The following SEZ6L variants were observed in gnomAD, a reference collection of about 807,000 sequenced individuals.
SEZ6L encodes seizure related 6 homolog like, also known as seizure 6-like protein.
Under a neutral mutation model 106.2 loss-of-function variants are expected in SEZ6L, and 37 were observed. The ratio of observed to expected loss-of-function variants is 0.35; its 90% CI spans 0.27 to 0.46. The LOEUF (loss-of-function observed/expected upper bound fraction) is 0.46, where lower values mean the gene tolerates loss of function less well. Among genes scored for constraint, SEZ6L ranks in the 20% least tolerant of loss-of-function variants. The probability of loss-of-function intolerance (pLI) is 1.00; values close to 1 mark genes in which losing one functional copy is unlikely to be tolerated. For missense variants in SEZ6L, 1,172 were observed against 1,332.8 expected (o/e 0.88, Z 1.88); for synonymous variants, 541 against 570.4 (o/e 0.95, Z 0.73).
intron 16 of SEZ6L, among the ~76,000 whole-genome samples, chr22:26,378,106 C>T (rs2084291793): frequency 1.3e-5 from 2 of 152,060 alleles, no homozygotes; most frequent in African/African-American, 4.8e-5. Context: ...GGGCTCCACC[C>T]TTTATTCAAT....
intron 1 of SEZ6L, among the ~76,000 whole-genome samples, chr22:26,258,011 GC>G (rs1264587520): frequency 6.6e-6 from 1 of 152,128 alleles, no homozygotes; most frequent in Non-Finnish European, 1.5e-5. Flanking sequence ...CCAGCCAGCT[GC>G]CCTTTCCCTC....
chr22:26,370,911 GGAGCACTGCTTGA>G (rs1207575366), intron 13 of SEZ6L, among the ~76,000 whole-genome samples: 1 of 151,260 alleles, frequency 6.6e-6, no homozygotes, highest in Non-Finnish European at 1.5e-5. Flanking sequence ...AGCTGAGGCA[GGAGCACTGCTTGA>G]GCCCAGGAGG....
chr22:26,225,995 C>T (rs972208680), intron 1 of SEZ6L, among the ~76,000 whole-genome samples: 4 of 152,172 alleles, frequency 2.6e-5, no homozygotes, highest in African/African-American at 9.7e-5. Flanking sequence ...TTCCCTTATC[C>T]ATCCATCTCC....
At chr22:26,324,348 A>C (rs1243269219) in intron 9 of SEZ6L, among the ~76,000 whole-genome samples, 1 of 152,160 alleles carries the variant, frequency 6.6e-6, no homozygotes, top group African/African-American at 2.4e-5. Flanking sequence ...CAGTTCTCTA[A>C]CCAGGAAATA....
At chr22:26,259,610 T>C (rs528227182) in intron 1 of SEZ6L, among the ~76,000 whole-genome samples, 6 of 152,222 alleles carry the variant, frequency 3.9e-5, no homozygotes, top group Non-Finnish European at 8.8e-5. Flanking sequence ...AGAGATACCC[T>C]GAGGCTTCTT....
chr22:26,225,117 A>G (rs1177779197), intron 1 of SEZ6L, among the ~76,000 whole-genome samples: 1 of 152,226 alleles, frequency 6.6e-6, no homozygotes, highest in Non-Finnish European at 1.5e-5. Flanking sequence ...CAGCCATTCT[A>G]CAACTCAGGG....
At chr22:26,342,414 G>T (rs2082865123) in intron 10 of SEZ6L, among the ~76,000 whole-genome samples, 1 of 152,128 alleles carries the variant, frequency 6.6e-6, no homozygotes, top group Admixed American at 6.5e-5. Context: ...TCTCGGCCGG[G>T]CGCAGTGGCT....
intron 8 of SEZ6L, among the ~76,000 whole-genome samples, chr22:26,312,194 G>A (rs751636245): frequency 1.9e-4 from 29 of 152,226 alleles, no homozygotes; most frequent in Middle Eastern, 3.2e-3. Context: ...AGGTCCCACA[G>A]TGCACAGCTT....
chr22:26,327,287 C>T (rs929637610), intron 9 of SEZ6L, among the ~76,000 whole-genome samples: 4 of 148,626 alleles, frequency 2.7e-5, no homozygotes, highest in African/African-American at 1.0e-4. Flanking sequence ...CACACCACCC[C>T]ACACATACCA....
chr22:26,281,012 T>C (rs1350518782), intron 1 of SEZ6L, among the ~76,000 whole-genome samples: 1 of 152,234 alleles, frequency 6.6e-6, no homozygotes, highest in Non-Finnish European at 1.5e-5. Flanking sequence ...ATCTCTCCTA[T>C]GCTTTGGCTT....
chr22:26,267,971 G>A (rs1315008321), intron 1 of SEZ6L, among the ~76,000 whole-genome samples: 1 of 152,160 alleles, frequency 6.6e-6, no homozygotes, highest in African/African-American at 2.4e-5. Flanking sequence ...ACTCACAGTG[G>A]GTCCAGTGGG....
chr22:26,356,146 A>G (rs2083429281), intron 12 of SEZ6L, among the ~76,000 whole-genome samples: 1 of 152,232 alleles, frequency 6.6e-6, no homozygotes, highest in Admixed American at 6.5e-5. Context: ...TTCTCAACTC[A>G]TGACACCCTT....
intron 1 of SEZ6L, among the ~76,000 whole-genome samples, chr22:26,285,351 G>A (rs559047524): frequency 8.2e-4 from 125 of 152,254 alleles, no homozygotes; most frequent in African/African-American, 2.8e-3. Context: ...TTATAAAATA[G>A]ACATTAAACT....
intron 5 of SEZ6L, among the ~76,000 whole-genome samples, chr22:26,300,078 A>G (rs957399659): frequency 6.6e-6 from 1 of 152,146 alleles, no homozygotes. Context: ...ATGATTAATG[A>G]TGTCAAGCAT....
chr22:26,279,131 T>C lies in SEZ6L; in HGVS notation c.95-13275T>C, dbSNP rs181023398. On this transcript the variant is annotated intron_variant, in intron 1 of 16. Transcript: ENST00000248933. ...AAGTTAGGCATTCCCCTTGGGCATT[T>C]CCCATGCTCTGTCTGTGACTGCACA... 2.2e-4 allele frequency among the ~76,000 whole-genome samples: 33 copies of C among 152,326 alleles called. No homozygotes were observed. The East Asian group carries it at 6.4e-3, about 29-fold the overall frequency.
At chr22:26,321,072 C>T (rs562829555) in intron 9 of SEZ6L, among the ~76,000 whole-genome samples, 1 of 152,312 alleles carries the variant, frequency 6.6e-6, no homozygotes, top group African/African-American at 2.4e-5. Context: ...TGCTAAGGTC[C>T]AGAGGCAGGA....
At chr22:26,318,773 G>A (rs1463353723) in intron 9 of SEZ6L, among the ~76,000 whole-genome samples, 1 of 152,050 alleles carries the variant, frequency 6.6e-6, no homozygotes, top group East Asian at 1.9e-4. Context: ...CTTATAGGGA[G>A]ATATTTATTT....
At chr22:26,202,189 CAG>C (rs1427330492) in intron 1 of SEZ6L, among the ~76,000 whole-genome samples, 1 of 152,200 alleles carries the variant, frequency 6.6e-6, no homozygotes, top group East Asian at 1.9e-4. Flanking sequence ...GCTGGGATTA[CAG>C]GTGTGAGCCA....
At chr22:26,304,629 T>A (rs642342) in intron 5 of SEZ6L, among the ~76,000 whole-genome samples, 31,845 of 152,130 alleles carry the variant, frequency 0.21, 3,726 homozygotes, top group Non-Finnish European at 0.26. Context: ...TAATAGATGA[T>A]TCTGGTAAGA....
Sources: gnomAD v4.1 joint callset for allele counts (sites outside exome capture counted in the v4.1 genomes callset) on GRCh38, gnomAD v4.1.1 for gene constraint, MANE v1.5 for transcripts, NCBI Gene and HGNC (gene_info 2026-07-23, HGNC 2026-07-21) for gene names.